The following GPM6B variants were observed in gnomAD, a reference collection of about 807,000 sequenced individuals.
The protein encoded by GPM6B is neuronal membrane glycoprotein M6-b.
GPM6B carries 4 observed loss-of-function variants against 27.2 expected under a neutral mutation model. That is an observed-to-expected ratio of 0.15 (90% CI 0.07 to 0.34). The LOEUF is 0.34. GPM6B is among the 10% of genes least tolerant of loss of function. The pLI is 1.00. For synonymous variants in GPM6B, 124 were observed against 103.1 expected (o/e 1.20, Z -1.23); for missense variants, 183 against 261.9 (o/e 0.70, Z 2.08).
upstream of GPM6B, among the ~76,000 whole-genome samples, chrX:13,822,168 T>C (rs1434010228): frequency 9.0e-6 from 1 of 111,348 alleles, no homozygotes; most frequent in Non-Finnish European, 1.9e-5. Flanking sequence ...CATGGAACAT[T>C]TAAGCAACAA....
At chrX:13,817,346 C>T (rs2049257349), upstream of GPM6B, 49 of 753,214 alleles carry the variant, frequency 6.5e-5, no homozygotes, top group Non-Finnish European at 7.5e-5. Context: ...TTCTTCTAGC[C>T]AAGTACACCC....
intron 1 of GPM6B, among the ~76,000 whole-genome samples, chrX:13,925,422 G>C (rs1441722168): frequency 9.2e-6 from 1 of 108,751 alleles, no homozygotes; most frequent in Admixed American, 9.8e-5. Context: ...AAAATCCTCA[G>C]CTCAAGCAAT....
chrX:13,925,332 C>T lies in GPM6B; in HGVS notation c.-198+12995G>A, dbSNP rs141625336. 9.4e-3 allele frequency among the ~76,000 whole-genome samples: 1,045 copies of T among 111,438 alleles called. 8 individuals are homozygous for T. The highest frequency in any genetic ancestry group is 0.014 in the Non-Finnish European group (740 of 53,048). On this transcript the variant is annotated intron_variant, in intron 1 of 6. Transcript: ENST00000398361. ...ATGGAATTAGATTTAACCCTAATTGCTTTACTTTTTTATTTTTTAGAAACA... is the reference window on the plus strand; with the variant it reads ...ATGGAATTAGATTTAACCCTAATTGTTTTACTTTTTTATTTTTTAGAAACA...
At chrX:13,823,078 C>T (rs760423750) in intron 1 of GPM6B, among the ~76,000 whole-genome samples, 12 of 112,074 alleles carry the variant, frequency 1.1e-4, no homozygotes, top group African/African-American at 3.9e-4. Flanking sequence ...TCTTTTGATC[C>T]CTTACTCTTT....
At chrX:13,800,378 G>A (rs897432148) in intron 2 of GPM6B, among the ~76,000 whole-genome samples, 2 of 112,053 alleles carry the variant, frequency 1.8e-5, no homozygotes, top group Non-Finnish European at 1.9e-5. Flanking sequence ...CCTGACCTAA[G>A]GAAGCCGAGA....
In GPM6B at chrX:13,926,436, A is replaced by C. The variant is rs1241222157; in HGVS notation, c.-198+11891T>G. ...AAAAAACAAACAAACAAAAAAAAAA[A>C]ACACACAAAAAAAGCAGAGGATCAA... On this transcript the variant is annotated intron_variant, in intron 1 of 6. Transcript: ENST00000398361. Among the ~76,000 whole-genome samples, 3 of 19,324 alleles carry C rather than the reference A, an allele frequency of 1.6e-4. No individual in the cohort carries two copies. In the East Asian group the frequency reaches 1.6e-3, roughly 10 times the overall value. 16.8% of individuals were successfully genotyped at this position (19,324 alleles called of 115,157 possible).
intron 1 of GPM6B, among the ~76,000 whole-genome samples, chrX:13,872,022 C>A (rs929855660): frequency 9.0e-6 from 1 of 111,345 alleles, no homozygotes; most frequent in African/African-American, 3.3e-5. Context: ...TATAATTAGT[C>A]AAGATAGAGA....
At position 13,802,513 on chromosome X, in the gene GPM6B, T is replaced by C. The variant is rs138644738; in HGVS notation, c.181+5137A>G. ...TCAAAAACAATCAAGAAATTACTTA[T>C]ATCGATAAGTATTTGTTTACAGCTA... On this transcript the variant is annotated intron_variant, in intron 2 of 7. Transcript: ENST00000316715. Among the ~76,000 whole-genome samples the C allele has an allele frequency of 8.4e-3, 902 of 107,087 alleles. 9 individuals are homozygous for C. Among genetic ancestry groups the C allele is most frequent in the African/African-American group, 0.028 (827 of 29,357 alleles). The allele number at this position is 107,087 out of a possible 115,157, so 93.0% of individuals were successfully genotyped here. A position where few individuals can be genotyped will look rare whatever the true frequency, so the allele number is the denominator to read the frequency against.
chrX:13,879,211 C>G, intron 1 of GPM6B, among the ~76,000 whole-genome samples: 1 of 111,942 alleles, frequency 8.9e-6, no homozygotes, highest in Admixed American at 9.5e-5. Flanking sequence ...GTAGATATAC[C>G]TTTTATGATG....
At chrX:13,884,113 G>C (rs934280365) in intron 1 of GPM6B, among the ~76,000 whole-genome samples, 2 of 111,664 alleles carry the variant, frequency 1.8e-5, no homozygotes, top group African/African-American at 6.5e-5. Context: ...GGGAGGCAGA[G>C]GTTGCGGTGA....
intron 2 of GPM6B, among the ~76,000 whole-genome samples, chrX:13,791,020 A>G (rs1375323249): frequency 1.8e-5 from 2 of 112,095 alleles, no homozygotes; most frequent in Non-Finnish European, 3.8e-5. Context: ...CATGCTGTTA[A>G]AAGTTTACGA....
intron 1 of GPM6B, among the ~76,000 whole-genome samples, chrX:13,861,260 C>G (rs2049849481): frequency 9.0e-6 from 1 of 110,724 alleles, no homozygotes; most frequent in Admixed American, 9.7e-5. Flanking sequence ...GCAAACTGTG[C>G]TGCTATAAAC....
In GPM6B at chrX:13,912,989, T is replaced by C. The variant is rs147010460; in HGVS notation, c.-198+25338A>G. Among the ~76,000 whole-genome samples the C allele has an allele frequency of 9.4e-3, 1,065 of 112,802 alleles. 2 individuals are homozygous for C. The highest frequency in any genetic ancestry group is 0.015 in the Non-Finnish European group (820 of 53,391). On this transcript the variant is annotated intron_variant, in intron 1 of 6. Transcript: ENST00000398361. ...AGGAAAATACAGCATATACTTTAGT[T>C]ACCTTTTATTTAGATGAAAAGTATT...
rs998055275 is a variant in GPM6B, at chrX:13,785,532, C to T, written c.368+90G>A. On this transcript the variant is annotated intron_variant, in intron 3 of 7. Transcript: ENST00000316715. ...TGAACTCCTGACTTCAGGTGATCTG[C>T]CTGCCTCAGCCTCCCAAATTGCTGG... 6 of 878,185 alleles carry T rather than the reference C, an allele frequency of 6.8e-6. No homozygotes were observed. In the African/African-American group the frequency reaches 1.2e-4, roughly 17 times the overall value. 72.4% of individuals were successfully genotyped at this position (878,185 alleles called of 1,213,427 possible).
chrX:13,849,658 A>C (rs2049691014), intron 1 of GPM6B, among the ~76,000 whole-genome samples: 1 of 112,222 alleles, frequency 8.9e-6, no homozygotes, highest in Non-Finnish European at 1.9e-5. Flanking sequence ...TCAATTTGTT[A>C]GAACATAACT....
intron 1 of GPM6B, among the ~76,000 whole-genome samples, chrX:13,822,426 T>C (rs770255510): frequency 2.7e-5 from 3 of 110,425 alleles, no homozygotes; most frequent in East Asian, 5.6e-4. Context: ...AGTACAGTGG[T>C]GCAATCTCGG....
At chrX:13,865,559 A>AAAAAAAAAAAAAAAAGAAAG (rs34662549) in intron 1 of GPM6B, among the ~76,000 whole-genome samples, 1 of 52,927 alleles carries the variant, frequency 1.9e-5, no homozygotes, top group Non-Finnish European at 3.6e-5. Flanking sequence ...AAAAAAAAAA[A>AAAAAAAAAAAAAAAAGAAAG]AAAGAAAGAA....
intron 2 of GPM6B, among the ~76,000 whole-genome samples, chrX:13,790,307 A>G (rs1353157442): frequency 8.9e-6 from 1 of 112,559 alleles, no homozygotes; most frequent in Admixed American, 9.4e-5. Context: ...TCAGAGGTCA[A>G]GAAAAGATAT....
chrX:13,861,277 G>A (rs1029984782), intron 1 of GPM6B, among the ~76,000 whole-genome samples: 6 of 110,325 alleles, frequency 5.4e-5, no homozygotes, highest in African/African-American at 1.3e-4. Context: ...AAACATGCAC[G>A]TGCAAGTATC....
Sources: allele counts gnomAD v4.1 joint callset (sites outside exome capture counted in the v4.1 genomes callset), GRCh38; gene constraint gnomAD v4.1.1; transcripts MANE v1.5; gene names NCBI Gene and HGNC (gene_info 2026-07-23, HGNC 2026-07-21).